Variants in NEDD4L observed in about 807,000 individuals in gnomAD.
The protein encoded by NEDD4L is E3 ubiquitin-protein ligase NEDD4-like.
In NEDD4L, 54 loss-of-function variants were observed where a neutral mutation model predicts 148.9. That is an observed-to-expected ratio of 0.36 (90% confidence interval 0.29 to 0.45). The LOEUF (loss-of-function observed/expected upper bound fraction) is 0.45. Ranked by LOEUF, NEDD4L falls within the 20% of genes least tolerant of loss-of-function variation. The probability of loss-of-function intolerance (pLI) is 1.00; values close to 1 mark genes in which losing one functional copy is unlikely to be tolerated. For synonymous variants in NEDD4L, 433 were observed against 440.7 expected, an observed-to-expected ratio of 0.98 and a Z score of 0.22; for missense variants, 856 against 1,233.8, an observed-to-expected ratio of 0.69 and a Z score of 4.59.
At chr18:58,241,314 G>T (rs189921480) in intron 2 of NEDD4L, among the ~76,000 whole-genome samples, 2 of 152,206 alleles carry the variant, frequency 1.3e-5, no homozygotes, top group Non-Finnish European at 2.9e-5. Context: ...AGGAATGGCC[G>T]ACTCCTTGTG....
At position 58,396,422 on chromosome 18, in the gene NEDD4L, A is replaced by G. The variant is rs2050495867; in HGVS notation, c.*153A>G. ...TCACCACGCACTCGTCCAAGTTCGG[A>G]TGCGGGAACCTGGTCCCAGCTTGAG... On this transcript the variant is annotated 3_prime_UTR_variant, in exon 31 of 31. Coordinates refer to ENST00000400345, the MANE Select transcript of NEDD4L (RefSeq NM_001144967.3). 1 of 564,902 alleles carries G rather than the reference A, an allele frequency of 1.8e-6. No homozygotes were observed. Among genetic ancestry groups the G allele is most frequent in the Non-Finnish European group, 3.2e-6 (1 of 311,024 alleles). The allele number at this position is 564,902 out of a possible 1,614,324, so 35.0% of individuals were successfully genotyped here.
chr18:58,234,129 T>TC (rs2045682733), intron 2 of NEDD4L, among the ~76,000 whole-genome samples: 1 of 149,128 alleles, frequency 6.7e-6, no homozygotes, highest in African/African-American at 2.5e-5. Context: ...TTCCTTCTTT[T>TC]TTTCTTTCTT....
chr18:58,256,924 T>C lies in NEDD4L; in HGVS notation c.297+4870T>C. On this transcript the variant is annotated intron_variant, in intron 5 of 30. Coordinates refer to ENST00000400345, the MANE Select transcript of NEDD4L (RefSeq NM_001144967.3). The surrounding 1 kb of genome is among the most constrained non-coding windows in gnomAD (Gnocchi z 5.2). ...AATGTTTGGCCGAGTTCTGGCACGA[T>C]GATTTGTGGTCCAGTGTTTGGTGCG... The C allele has an allele frequency of 1.5e-6, 1 of 680,322 alleles. No individual in the cohort carries two copies. The highest frequency in any genetic ancestry group is 2.1e-6 in the Non-Finnish European group (1 of 484,544). 42.1% of individuals were successfully genotyped at this position (680,322 alleles called of 1,614,324 possible). A position where few individuals can be genotyped will look rare whatever the true frequency, so the allele number is the denominator to read the frequency against.
At chr18:58,374,461 C>A (rs916260916) in intron 24 of NEDD4L, among the ~76,000 whole-genome samples, 10 of 152,110 alleles carry the variant, frequency 6.6e-5, no homozygotes, top group African/African-American at 2.4e-4. Flanking sequence ...CCACTGCCCC[C>A]CTTTCCCGGC....
intron 5 of NEDD4L, among the ~76,000 whole-genome samples, chr18:58,276,469 A>G (rs1017277657): frequency 6.6e-6 from 1 of 152,062 alleles, no homozygotes; most frequent in Non-Finnish European, 1.5e-5. Flanking sequence ...TCGGCCTTTC[A>G]AAGTGCTGGA....
rs183062040 is a variant in NEDD4L, at chr18:58,400,077, T to C, written c.*3808T>C. The C allele has an allele frequency of 3.1e-4, 48 of 152,514 alleles. No homozygotes were observed. Among genetic ancestry groups the C allele is most frequent in the Admixed American group, 1.8e-3 (27 of 15,312 alleles). 9.4% of individuals were successfully genotyped at this position (152,514 alleles called of 1,614,324 possible). On this transcript the variant is annotated 3_prime_UTR_variant, in exon 31 of 31. Transcript: ENST00000400345. ...TACGTGACACTGTGCTAGTTCTCCT[T>C]CTTCTGTCTCCTCCTTACCCTGGCC...
intron 1 of NEDD4L, among the ~76,000 whole-genome samples, chr18:58,133,896 T>G (rs1195733304): frequency 3.3e-5 from 5 of 152,362 alleles, no homozygotes; most frequent in Admixed American, 6.5e-5. Context: ...ATGAGCTCGC[T>G]TCATCCTCAT....
At chr18:58,275,545 A>G (rs965436649) in intron 5 of NEDD4L, among the ~76,000 whole-genome samples, 5 of 152,226 alleles carry the variant, frequency 3.3e-5, no homozygotes, top group Admixed American at 6.5e-5. Context: ...AGGCCAGGTT[A>G]TATGTCCTGA....
chr18:58,309,181 C>T (rs903024029), intron 5 of NEDD4L, among the ~76,000 whole-genome samples: 1 of 152,092 alleles, frequency 6.6e-6, no homozygotes, highest in South Asian at 2.1e-4. Flanking sequence ...CAGTTTCCCT[C>T]CCCCCCACTG....
intron 2 of NEDD4L, among the ~76,000 whole-genome samples, chr18:58,233,677 A>G (rs557863968): frequency 2.0e-4 from 31 of 152,362 alleles, no homozygotes; most frequent in Admixed American, 1.7e-3. Context: ...AGCGTTTCCA[A>G]AAAAGGTTGG....
At chr18:58,075,263 G>A (rs9956746) in intron 1 of NEDD4L, among the ~76,000 whole-genome samples, 6,549 of 152,190 alleles carry the variant, frequency 0.043, 466 homozygotes, top group African/African-American at 0.15. Flanking sequence ...CAGTTCTCCC[G>A]CCTCAGCCTC....
chr18:58,318,188 G>C (rs189108230), intron 6 of NEDD4L, among the ~76,000 whole-genome samples: 2 of 152,320 alleles, frequency 1.3e-5, no homozygotes, highest in Admixed American at 1.3e-4. Context: ...TTCTTGATTA[G>C]TATATGACCA....
Position 58,061,254 on chromosome 18 carries a change from C to T in NEDD4L, c.48+16546C>T, listed in dbSNP as rs6566933. On this transcript the variant is annotated intron_variant, in intron 1 of 30. Coordinates refer to ENST00000400345, the MANE Select transcript of NEDD4L (RefSeq NM_001144967.3). ...TTTTACGTGGTTATCTAATTGGATCCGTGAGCCAGTCATGTTAGATCATAA... is the reference window on the plus strand; with the variant it reads ...TTTTACGTGGTTATCTAATTGGATCTGTGAGCCAGTCATGTTAGATCATAA... Among the ~76,000 whole-genome samples, 524 of 152,192 alleles carry T rather than the reference C, an allele frequency of 3.4e-3. 2 individuals carry two copies. Among genetic ancestry groups the T allele is most frequent in the African/African-American group, 0.012 (499 of 41,512 alleles).
chr18:58,159,896 C>G (rs1177953370), intron 1 of NEDD4L, among the ~76,000 whole-genome samples: 1 of 152,162 alleles, frequency 6.6e-6, no homozygotes, highest in East Asian at 1.9e-4. Context: ...GTGGAAGTCC[C>G]TGACTTAGAA....
At chr18:58,367,917 G>T (rs1474174617) in intron 22 of NEDD4L, 50 bp downstream of exon 22, 2 of 1,602,938 alleles carry the variant, frequency 1.2e-6, no homozygotes, top group Non-Finnish European at 1.7e-6. Flanking sequence ...CGGTTTGCTA[G>T]TAGGTGTCTT....
chr18:58,106,077 A>C (rs1470454094), intron 1 of NEDD4L, among the ~76,000 whole-genome samples: 1 of 152,188 alleles, frequency 6.6e-6, no homozygotes, highest in Non-Finnish European at 1.5e-5. Flanking sequence ...GTTGATGTGG[A>C]GAGTGAGAGG....
At chr18:58,107,342 A>C (rs549685372) in intron 1 of NEDD4L, among the ~76,000 whole-genome samples, 83 of 152,366 alleles carry the variant, frequency 5.4e-4, no homozygotes, top group Non-Finnish European at 1.1e-3. Flanking sequence ...TTGAATACGC[A>C]GATATTAAGG....
At chr18:58,143,183 A>G (rs1568277425) in intron 1 of NEDD4L, among the ~76,000 whole-genome samples, 1 of 152,228 alleles carries the variant, frequency 6.6e-6, no homozygotes, top group East Asian at 1.9e-4. Flanking sequence ...AAGATAGACA[A>G]CAAGGGGAAT....
At chr18:58,325,721 C>T (rs2059257084) in intron 9 of NEDD4L, among the ~76,000 whole-genome samples, 1 of 152,162 alleles carries the variant, frequency 6.6e-6, no homozygotes, top group Non-Finnish European at 1.5e-5. Flanking sequence ...TAATCCCTCA[C>T]CAGCCTCAGG....
Sources: allele counts gnomAD v4.1 joint callset (sites outside exome capture counted in the v4.1 genomes callset), GRCh38; gene constraint gnomAD v4.1.1; non-coding constraint Gnocchi (gnomAD v3.1); transcripts MANE v1.5; gene names NCBI Gene and HGNC (gene_info 2026-07-23, HGNC 2026-07-21).